CCSER1: variants seen among roughly 807,000 people sequenced by gnomAD.
The protein encoded by CCSER1 is serine-rich coiled-coil domain-containing protein 1.
In CCSER1, 41 loss-of-function variants were observed where a neutral mutation model predicts 82.0. The observed-to-expected ratio is 0.50, with a 90% CI of 0.39 to 0.65. The LOEUF (loss-of-function observed/expected upper bound fraction) is 0.65, where lower values mean the gene tolerates loss of function less well. Ranked by LOEUF, CCSER1 falls within the 30% of genes least tolerant of loss-of-function variation. The pLI is 0.00. For missense variants in CCSER1, 1,119 were observed against 1,064.2 expected (o/e 1.05, Z -0.72); for synonymous variants, 414 against 383.9 (o/e 1.08, Z -0.92).
intron 6 of CCSER1, among the ~76,000 whole-genome samples, chr4:90,652,127 A>G (rs1167521034): frequency 6.6e-6 from 1 of 152,230 alleles, no homozygotes; most frequent in African/African-American, 2.4e-5. Flanking sequence ...TTTCAAATTT[A>G]ATATGCAAAA....
intron 10 of CCSER1, among the ~76,000 whole-genome samples, chr4:91,118,652 T>A (rs576663356): frequency 6.6e-6 from 1 of 152,326 alleles, no homozygotes; most frequent in Non-Finnish European, 1.5e-5. Flanking sequence ...TAAGCTTTTA[T>A]GAATAAACAC....
chr4:90,247,573 T>A lies in CCSER1; in HGVS notation c.-41-60671T>A, dbSNP rs192618572. On this transcript the variant is annotated intron_variant, in intron 1 of 10. Transcript: ENST00000509176. ...AACATGGGATTTTTAGTTTGAAAAC[T>A]GAGAAAGTATTACAGATCATTTAAA... Among the ~76,000 whole-genome samples, 29 of 152,254 alleles carry A rather than the reference T, an allele frequency of 1.9e-4. No homozygotes were observed. The Middle Eastern group carries it at 0.01, about 54-fold the overall frequency.
chr4:91,553,636 T>C (rs1315675216), intron 10 of CCSER1, among the ~76,000 whole-genome samples: 2 of 151,096 alleles, frequency 1.3e-5, no homozygotes, highest in African/African-American at 2.4e-5. Flanking sequence ...TATTTCTGCA[T>C]GAATTAGCTT....
intron 9 of CCSER1, among the ~76,000 whole-genome samples, chr4:91,043,232 ATGT>A (rs1190061425): frequency 6.6e-6 from 1 of 152,138 alleles, no homozygotes; most frequent in African/African-American, 2.4e-5. Context: ...AAAAAAAGAA[ATGT>A]TATTATGAAA....
intron 5 of CCSER1, among the ~76,000 whole-genome samples, chr4:90,562,491 CA>C (rs1004349747): frequency 1.3e-5 from 2 of 151,846 alleles, no homozygotes; most frequent in African/African-American, 4.8e-5. Flanking sequence ...CACCTACTTG[CA>C]AAAAAATGAG....
At chr4:90,309,951 G>A (rs911762671) in intron 2 of CCSER1, among the ~76,000 whole-genome samples, 14 of 151,940 alleles carry the variant, frequency 9.2e-5, no homozygotes, top group African/African-American at 3.4e-4. Flanking sequence ...TCCAAAGTAA[G>A]GACTGTCTTT....
At chr4:90,404,892 A>G (rs1166372086) in intron 4 of CCSER1, among the ~76,000 whole-genome samples, 1 of 152,204 alleles carries the variant, frequency 6.6e-6, no homozygotes, top group African/African-American at 2.4e-5. Flanking sequence ...CTTCCCTCTG[A>G]CACAGTCTAC....
chr4:90,906,094 T>A (rs531221152), intron 8 of CCSER1, among the ~76,000 whole-genome samples: 2 of 152,276 alleles, frequency 1.3e-5, no homozygotes, highest in South Asian at 4.1e-4. Flanking sequence ...ACCATTTCTA[T>A]TTGAAAGATG....
chr4:90,554,584 G>A (rs185416483), intron 5 of CCSER1, among the ~76,000 whole-genome samples: 25 of 152,268 alleles, frequency 1.6e-4, no homozygotes, highest in African/African-American at 6.0e-4. Flanking sequence ...TCATATATGA[G>A]ATTATATTGC....
chr4:91,162,943 CT>C (rs1333625768), intron 10 of CCSER1, among the ~76,000 whole-genome samples: 1 of 152,072 alleles, frequency 6.6e-6, no homozygotes, highest in African/African-American at 2.4e-5. Flanking sequence ...CAGTTCTGCT[CT>C]GATCTTAGTT....
chr4:90,969,035 G>A lies in CCSER1; in HGVS notation c.2172+45588G>A, dbSNP rs1056297664. On this transcript the variant is annotated intron_variant, in intron 9 of 10. Transcript: ENST00000509176. ...AATAAATGGAATAAAAATTGAAATA[G>A]TCTTTCATGAGCAGACTCAAGCAGA... Among the ~76,000 whole-genome samples the A allele has an allele frequency of 5.9e-5, 9 of 151,736 alleles. No individual in the cohort carries two copies. In the Middle Eastern group the frequency reaches 0.014, roughly 229 times the overall value.
chr4:91,381,267 G>A (rs942237439), intron 10 of CCSER1, among the ~76,000 whole-genome samples: 2 of 152,002 alleles, frequency 1.3e-5, no homozygotes, highest in African/African-American at 4.8e-5. Context: ...GGCATTCTCT[G>A]GGTTTCCTGA....
intron 10 of CCSER1, among the ~76,000 whole-genome samples, chr4:91,528,032 A>C (rs1009398442): frequency 6.6e-6 from 1 of 152,100 alleles, no homozygotes; most frequent in Non-Finnish European, 1.5e-5. Flanking sequence ...CTCATGCCTC[A>C]GCCACCTGAG....
chr4:91,242,265 C>T (rs1739433661), intron 10 of CCSER1, among the ~76,000 whole-genome samples: 1 of 152,124 alleles, frequency 6.6e-6, no homozygotes, highest in Non-Finnish European at 1.5e-5. Context: ...ATGAACAAGG[C>T]AGAGAATACC....
At chr4:91,075,922 TGTAA>T (rs1189426441) in intron 9 of CCSER1, among the ~76,000 whole-genome samples, 5 of 152,278 alleles carry the variant, frequency 3.3e-5, no homozygotes, top group South Asian at 2.1e-4. Context: ...TAGCATAGGT[TGTAA>T]GTCACAGTTG....
intron 10 of CCSER1, among the ~76,000 whole-genome samples, chr4:91,160,130 G>C (rs1021157421): frequency 6.6e-6 from 1 of 151,816 alleles, no homozygotes; most frequent in Non-Finnish European, 1.5e-5. Context: ...CCACCTATGA[G>C]TGAGAACATG....
chr4:91,050,841 C>A (rs183703136), intron 9 of CCSER1, among the ~76,000 whole-genome samples: 7 of 152,320 alleles, frequency 4.6e-5, no homozygotes, highest in Non-Finnish European at 8.8e-5. Flanking sequence ...TCTCTTCTTT[C>A]AAGTTTCTTT....
At chr4:90,765,225 C>T (rs996397040) in intron 7 of CCSER1, among the ~76,000 whole-genome samples, 2 of 152,078 alleles carry the variant, frequency 1.3e-5, no homozygotes, top group African/African-American at 4.8e-5. Flanking sequence ...TGTACAAGGC[C>T]TTTGGGAAAC....
chr4:90,316,259 A>AT (rs1410126216), intron 3 of CCSER1, among the ~76,000 whole-genome samples: 4 of 152,206 alleles, frequency 2.6e-5, no homozygotes, highest in African/African-American at 9.6e-5. Context: ...CAGAGATAAG[A>AT]TTTGGATTTG....
Sources: allele counts gnomAD v4.1 joint callset (sites outside exome capture counted in the v4.1 genomes callset), GRCh38; gene constraint gnomAD v4.1.1; transcripts MANE v1.5; gene names NCBI Gene and HGNC (gene_info 2026-07-23, HGNC 2026-07-21).